The following SLC9A1 variants were observed in gnomAD, a reference collection of about 807,000 sequenced individuals.
The protein encoded by SLC9A1 is sodium/hydrogen exchanger 1.
SLC9A1 carries 22 observed loss-of-function variants against 67.9 expected under a neutral mutation model. The observed-to-expected ratio is 0.32, with a 90% CI of 0.23 to 0.46. The LOEUF (loss-of-function observed/expected upper bound fraction) is 0.46, where lower values mean the gene tolerates loss of function less well. SLC9A1 is among the 20% of genes least tolerant of loss of function. SLC9A1 has a pLI of 1.00. For synonymous variants in SLC9A1, 421 were observed against 471.8 expected (o/e 0.89, Z 1.40); for missense variants, 686 against 1,094.8 (o/e 0.63, Z 5.27).
chr1:27,139,990 A>C (rs566832941), intron 1 of SLC9A1, among the ~76,000 whole-genome samples: 1 of 151,784 alleles, frequency 6.6e-6, no homozygotes, highest in Non-Finnish European at 1.5e-5. Context: ...ATGAGCTTTC[A>C]CCATGTTGAC....
intron 1 of SLC9A1, among the ~76,000 whole-genome samples, chr1:27,141,179 G>T (rs1557433186): frequency 6.6e-6 from 1 of 152,132 alleles, no homozygotes; most frequent in South Asian, 2.1e-4. Flanking sequence ...TCCAGTTTGG[G>T]TGACAGAGAG....
Position 27,128,957 on chromosome 1 carries a change from TAAACAAACAAAC to T in SLC9A1, c.353-14683_353-14672del, listed in dbSNP as rs370209200. On this transcript the variant is annotated intron_variant, in intron 1 of 11. Transcript: ENST00000263980. Reference sequence around the variant, plus strand: ...CCTGGGCAAAAAGAGGGAAACTCCATAAACAAACAAACAAACAAACAAACAAATGCATGCACG... The same window carrying T: ...CCTGGGCAAAAAGAGGGAAACTCCATAAACAAACAAACAAATGCATGCACG... Among the ~76,000 whole-genome samples, 1,003 of 152,110 alleles carry T rather than the reference TAAACAAACAAAC, an allele frequency of 6.6e-3. 8 individuals carry two copies. Among genetic ancestry groups the T allele is most frequent in the African/African-American group, 0.022 (924 of 41,500 alleles).
chr1:27,131,499 G>A (rs566413728), intron 1 of SLC9A1, among the ~76,000 whole-genome samples: 94 of 145,154 alleles, frequency 6.5e-4, no homozygotes, highest in African/African-American at 2.3e-3. Flanking sequence ...CCTGTAATCC[G>A]AGTACTTTGG....
intron 1 of SLC9A1, among the ~76,000 whole-genome samples, chr1:27,115,674 T>C (rs1367435773): frequency 6.6e-6 from 1 of 151,558 alleles, no homozygotes; most frequent in Non-Finnish European, 1.5e-5. Context: ...GGGCATGGTA[T>C]GCACCTGTAG....
rs115265123 is a variant in SLC9A1 at position 27,152,160 on chromosome 1, G to C, written c.352+1823C>G. Among the ~76,000 whole-genome samples, 1,181 of 152,226 alleles carry C rather than the reference G, an allele frequency of 7.8e-3. 14 individuals are homozygous for C. The highest frequency in any genetic ancestry group is 0.027 in the African/African-American group (1,105 of 41,520). On this transcript the variant is annotated intron_variant, in intron 1 of 11. Transcript: ENST00000263980. ...CTGCTCTCCAGCTGCCCAGGGTCCC[G>C]GGCACAGCACTTGGGTGGTGACAAA...
intron 1 of SLC9A1, among the ~76,000 whole-genome samples, chr1:27,144,426 C>T (rs1474569439): frequency 1.3e-5 from 2 of 152,216 alleles, no homozygotes; most frequent in Non-Finnish European, 2.9e-5. Context: ...AGAGCCAAGC[C>T]GAGGGAGGTG....
intron 5 of SLC9A1, chr1:27,103,640 G>C: frequency 2.8e-6 from 1 of 352,796 alleles, no homozygotes; most frequent in South Asian, 3.4e-5. Flanking sequence ...ATGGAAGTCA[G>C]GCCCCACACA....
chr1:27,151,054 G>A (rs1211147008), intron 1 of SLC9A1, among the ~76,000 whole-genome samples: 1 of 152,116 alleles, frequency 6.6e-6, no homozygotes, highest in Non-Finnish European at 1.5e-5. Context: ...CAAGGCAGCT[G>A]GTGTCATCTT....
intron 1 of SLC9A1, among the ~76,000 whole-genome samples, chr1:27,149,491 A>T (rs2083512106): frequency 1.3e-5 from 2 of 152,250 alleles, no homozygotes; most frequent in Admixed American, 1.3e-4. Flanking sequence ...CGTTCAACAC[A>T]GGAGATGTCA....
intron 3 of SLC9A1, among the ~76,000 whole-genome samples, chr1:27,108,853 T>C (rs1265091628): frequency 6.6e-6 from 1 of 152,160 alleles, no homozygotes; most frequent in Non-Finnish European, 1.5e-5. Flanking sequence ...CATGGTCTCC[T>C]GGGTTCATTC....
At chr1:27,139,078 T>C (rs1196652331) in intron 1 of SLC9A1, among the ~76,000 whole-genome samples, 2 of 152,142 alleles carry the variant, frequency 1.3e-5, no homozygotes, top group Non-Finnish European at 2.9e-5. Flanking sequence ...GAGTTCCAGA[T>C]GCTTCATCCA....
chr1:27,104,565 A>AT (rs1165299509), intron 5 of SLC9A1, among the ~76,000 whole-genome samples: 2 of 148,266 alleles, frequency 1.3e-5, no homozygotes, highest in South Asian at 4.3e-4. Flanking sequence ...TTTTTTTTTT[A>AT]TTTTTTGTAG....
chr1:27,108,999 C>A (rs1391857331), intron 3 of SLC9A1, among the ~76,000 whole-genome samples: 1 of 152,158 alleles, frequency 6.6e-6, no homozygotes, highest in Non-Finnish European at 1.5e-5. Flanking sequence ...GGGCTCTGAA[C>A]CCCAGTTCTG....
intron 8 of SLC9A1, 118 bp from the exon 9 acceptor site, chr1:27,102,248 C>G (rs2083151741): frequency 2.2e-6 from 3 of 1,340,804 alleles, no homozygotes; most frequent in Middle Eastern, 1.9e-4. Context: ...AGCCTCAGGT[C>G]CTTGGTGCGA....
chr1:27,113,746 G>A (rs1056461972), intron 2 of SLC9A1, 80 bp downstream of exon 2: 10 of 1,025,244 alleles, frequency 9.8e-6, no homozygotes, highest in African/African-American at 9.6e-5. Flanking sequence ...TGTTATTAGC[G>A]GGTGGATGAG....
At chr1:27,117,721 C>T (rs1369511314) in intron 1 of SLC9A1, among the ~76,000 whole-genome samples, 1 of 152,334 alleles carries the variant, frequency 6.6e-6, no homozygotes, top group South Asian at 2.1e-4. Context: ...GTATTGCCTC[C>T]ATTTTGCAGA....
At chr1:27,148,632 C>T (rs1338623054) in intron 1 of SLC9A1, among the ~76,000 whole-genome samples, 2 of 152,182 alleles carry the variant, frequency 1.3e-5, no homozygotes, top group Non-Finnish European at 2.9e-5. Context: ...ATCAATACCA[C>T]ATGCTATTCT....
chr1:27,153,840 G>A (rs767858561), intron 1 of SLC9A1, 143 bp downstream of exon 1: 14 of 595,246 alleles, frequency 2.4e-5, no homozygotes, highest in Non-Finnish European at 5.9e-6. Flanking sequence ...AGCCTGAGAA[G>A]GACCAAGGTG....
rs1231762391 is a variant in SLC9A1 at position 27,113,959 on chromosome 1, T to C, written c.680A>G (p.Asn227Ser). The stretch of plus-strand genomic sequence containing the variant: ...CGAGATGATGCTGCCGAAGAGCAGG[T>C]TGTCCAGGAGGCCGATGTTGTTGAT... ...EQINNIGLLD[N>S]LLFGSIISAV... Residue 227 changes from asparagine to serine, a missense_variant, in exon 2 of 12, where the codon AAC becomes AGC. Transcript: ENST00000263980. 2.5e-6 allele frequency: 4 copies of C among 1,614,068 alleles called. No homozygotes were observed. The highest frequency in any genetic ancestry group is 3.4e-6 in the Non-Finnish European group (4 of 1,180,050).
Sources: gnomAD v4.1 joint callset for allele counts (sites outside exome capture counted in the v4.1 genomes callset) on GRCh38, gnomAD v4.1.1 for gene constraint, MANE v1.5 for transcripts, NCBI Gene and HGNC (gene_info 2026-07-23, HGNC 2026-07-21) for gene names.